CDK12: variants seen among roughly 807,000 people sequenced by gnomAD.
CDK12 encodes the protein cyclin dependent kinase 12.
CDK12 carries 17 observed loss-of-function variants against 133.8 expected under a neutral mutation model. That is an observed-to-expected ratio of 0.13 (90% CI 0.09 to 0.19). CDK12 has a LOEUF of 0.19. Among genes scored for constraint, CDK12 ranks in the 10% least tolerant of loss-of-function variants. The pLI is 1.00. For synonymous variants in CDK12, 694 were observed against 683.6 expected, an observed-to-expected ratio of 1.02 and a Z score of -0.24; for missense variants, 1,508 against 1,818.7, an observed-to-expected ratio of 0.83 and a Z score of 3.11.
intron 2 of CDK12, among the ~76,000 whole-genome samples, chr17:39,484,143 C>T (rs1313617147): frequency 6.6e-6 from 1 of 152,100 alleles, no homozygotes; most frequent in Non-Finnish European, 1.5e-5. Context: ...CATTCCTGGT[C>T]TATATTCTTT....
In CDK12 at chr17:39,520,014, C is replaced by A; in HGVS notation, c.3022C>A (p.Arg1008=). 1.2e-6 allele frequency: 2 copies of A among 1,613,902 alleles called. No individual in the cohort carries two copies. Among genetic ancestry groups the A allele is most frequent in the Non-Finnish European group, 1.7e-6 (2 of 1,179,862 alleles). ...CATGCTGACACTAGATCCTAGTAAG[C>A]GGTGCACAGCTGAACAGACCCTACA... ...DHMLTLDPSK[R]CTAEQTLQSD... is the part of the protein sequence containing the mutation. Residue 1008 remains arginine, a synonymous_variant, in exon 11 of 14, where the codon CGG becomes AGG. Coordinates refer to ENST00000447079, the MANE Select transcript of CDK12 (RefSeq NM_016507.4).
chr17:39,509,044 C>T lies in CDK12; in HGVS notation c.2610-661C>T, dbSNP rs533339231. Among the ~76,000 whole-genome samples, 511 of 151,350 alleles carry T rather than the reference C, an allele frequency of 3.4e-3. 1 individual carries two copies. Among genetic ancestry groups the T allele is most frequent in the Non-Finnish European group, 5.6e-3 (377 of 67,892 alleles). ...GCAGAGTGAAACATGGTTGGGATCT[C>T]CTTGAAGTGATTCTCAAAGCCTGAT... On this transcript the variant is annotated intron_variant, in intron 6 of 13. Transcript: ENST00000447079.
chr17:39,545,496 C>CTTTTTT (rs34616390), upstream of CDK12, among the ~76,000 whole-genome samples: 8 of 103,628 alleles, frequency 7.7e-5, no homozygotes, highest in East Asian at 2.7e-4. Context: ...CCCCAAAAAG[C>CTTTTTT]TTTTTTTTTT....
intron 2 of CDK12, among the ~76,000 whole-genome samples, chr17:39,483,654 C>T (rs1050399886): frequency 1.3e-5 from 2 of 151,750 alleles, no homozygotes; most frequent in Non-Finnish European, 2.9e-5. Flanking sequence ...GGCAAATTAT[C>T]TCATTGAAAA....
intron 2 of CDK12, among the ~76,000 whole-genome samples, chr17:39,487,291 T>C (rs900349727): frequency 3.9e-5 from 6 of 152,218 alleles, no homozygotes; most frequent in Admixed American, 2.0e-4. Context: ...TTTATGTTCT[T>C]ATATTTTGAG....
intron 1 of CDK12, among the ~76,000 whole-genome samples, chr17:39,466,568 T>A (rs973223902): frequency 3.2e-5 from 4 of 123,582 alleles, no homozygotes; most frequent in Non-Finnish European, 6.3e-5. Flanking sequence ...GAGCCGCGAT[T>A]GCAATAATTG....
intron 3 of CDK12, 29 bp from the exon 4 acceptor site, chr17:39,492,722 A>G (rs368521269): frequency 8.2e-6 from 13 of 1,588,986 alleles, no homozygotes; most frequent in Admixed American, 5.4e-5. Flanking sequence ...ATTTTCTTAA[A>G]TAACTATTTT....
downstream of CDK12, among the ~76,000 whole-genome samples, chr17:39,565,715 T>G (rs1473950305): frequency 6.6e-6 from 1 of 152,224 alleles, no homozygotes; most frequent in Middle Eastern, 3.2e-3. Flanking sequence ...ATTACAGGCG[T>G]GAGCCACCGT....
chr17:39,491,523 A>T (rs2051600308), intron 3 of CDK12, among the ~76,000 whole-genome samples: 1 of 152,044 alleles, frequency 6.6e-6, no homozygotes, highest in South Asian at 2.1e-4. Flanking sequence ...GGCGTGAGCC[A>T]CCGCGTCCGG....
intron 11 of CDK12, among the ~76,000 whole-genome samples, chr17:39,520,691 TTTG>T (rs35166716): frequency 1.3e-4 from 19 of 150,018 alleles, no homozygotes; most frequent in South Asian, 6.4e-4. Context: ...CCAGCGTGTT[TTTG>T]TTGTTGTTGT....
chr17:39,514,094 C>G (rs574482714), intron 8 of CDK12, among the ~76,000 whole-genome samples: 3 of 152,090 alleles, frequency 2.0e-5, no homozygotes, highest in Admixed American at 6.5e-5. Context: ...TGGGATCTCA[C>G]TACGTTGCCC....
chr17:39,501,221 G>C lies in CDK12; in HGVS notation c.2420-29G>C, dbSNP rs758231856. ...ATTTCAGCATTCTTTTTTTTTTCTT[G>C]CTTTTAATTTTTTTTCGTCTTTATG... On this transcript the variant is annotated intron_variant, in intron 5 of 13. Coordinates refer to ENST00000447079, the MANE Select transcript of CDK12 (RefSeq NM_016507.4). 5.0e-6 allele frequency: 7 copies of C among 1,397,118 alleles called. No individual in the cohort carries two copies. In the African/African-American group the frequency reaches 1.0e-4, roughly 21 times the overall value. 86.5% of individuals were successfully genotyped at this position (1,397,118 alleles called of 1,614,324 possible).
At chr17:39,551,064 G>A (rs2144218858) in exon 2 of CDK12, 1 of 152,176 alleles carries the variant, frequency 6.6e-6, no homozygotes, top group East Asian at 1.9e-4. Context: ...CCAGAGAGGG[G>A]AAATCATTTG....
intron 2 of CDK12, among the ~76,000 whole-genome samples, chr17:39,479,277 G>C (rs988764772): frequency 4.0e-5 from 4 of 99,848 alleles, no homozygotes; most frequent in African/African-American, 1.8e-4. Context: ...CACTGCACTC[G>C]AGCCTGGGCG....
intron 5 of CDK12, among the ~76,000 whole-genome samples, chr17:39,495,384 G>GTTTT (rs60185847): frequency 9.0e-6 from 1 of 110,688 alleles, no homozygotes; most frequent in Non-Finnish European, 1.8e-5. Context: ...GGCCTCATGT[G>GTTTT]TTTTTTTTTT....
chr17:39,466,897 T>C (rs1397070822), intron 1 of CDK12, among the ~76,000 whole-genome samples: 5 of 135,280 alleles, frequency 3.7e-5, no homozygotes, highest in Non-Finnish European at 8.0e-5. Context: ...GAGGAACATA[T>C]AGATCCCTTC....
intron 1 of CDK12, among the ~76,000 whole-genome samples, chr17:39,464,404 CTT>C (rs61135804): frequency 4.5e-4 from 62 of 136,432 alleles, no homozygotes; most frequent in Middle Eastern, 7.8e-3. Context: ...TTTTCTTTTT[CTT>C]TTTTTTTTTT....
intron 2 of CDK12, among the ~76,000 whole-genome samples, chr17:39,487,938 C>T (rs544589119): frequency 6.6e-6 from 1 of 152,128 alleles, no homozygotes; most frequent in African/African-American, 2.4e-5. Flanking sequence ...TTCTCTACCA[C>T]TTATTAATAA....
intron 2 of CDK12, among the ~76,000 whole-genome samples, chr17:39,551,718 G>A (rs1012602824): frequency 3.3e-5 from 5 of 152,260 alleles, no homozygotes; most frequent in South Asian, 4.1e-4. Flanking sequence ...GACTCTTGTA[G>A]TGTTGATGTA....
Sources: gnomAD v4.1 joint callset for allele counts (sites outside exome capture counted in the v4.1 genomes callset) on GRCh38, gnomAD v4.1.1 for gene constraint, MANE v1.5 for transcripts, NCBI Gene and HGNC (gene_info 2026-07-23, HGNC 2026-07-21) for gene names.